ADGRD1: variants seen among roughly 807,000 people sequenced by gnomAD.
The protein encoded by ADGRD1 is adhesion G protein-coupled receptor D1, also known as G-protein coupled receptor 133.
A neutral mutation model predicts 113.4 loss-of-function variants in ADGRD1; 77 were observed. That is an observed-to-expected ratio of 0.68 (90% confidence interval 0.57 to 0.82). The LOEUF is 0.82. ADGRD1 is among the 40% of genes least tolerant of loss of function. ADGRD1 has a pLI of 0.00. For missense variants in ADGRD1, 1,036 were observed against 1,139.1 expected, an observed-to-expected ratio of 0.91 and a Z score of 1.30; for synonymous variants, 474 against 475.0, an observed-to-expected ratio of 1.00 and a Z score of 0.03.
At chr12:131,005,879 G>A (rs1172741929) in intron 11 of ADGRD1, 93 bp from the exon 12 acceptor site, 2 of 950,068 alleles carry the variant, frequency 2.1e-6, no homozygotes, top group Non-Finnish European at 3.4e-6. Context: ...GGAGTGAGGG[G>A]CAGCACCATG....
rs1368667291 is a variant in ADGRD1 at position 131,104,841 on chromosome 12, G to A, written c.1682G>A (p.Gly561Glu). The A allele has an allele frequency of 3.9e-6, 6 of 1,548,092 alleles. No individual in the cohort carries two copies. The highest frequency in any genetic ancestry group is 5.2e-6 in the Non-Finnish European group (6 of 1,146,870). Residue 561 changes from glycine (G) to glutamate (E), a missense_variant, in exon 16 of 25, where the codon GGA becomes GAA. Physicochemically the swap from Gly to Glu is moderately conservative, Grantham distance 98 (BLOSUM62 -2). Coordinates refer to ENST00000261654, the MANE Select transcript of ADGRD1 (RefSeq NM_198827.5). The stretch of plus-strand genomic sequence containing the variant: ...CTCTGCTCCCCGCAGCTTGCACGCG[G>A]ACACCAGGTGGCGCTGTCGTCTATC... ...MQVVPLELARGHQVALSSISY... is the reference protein window; with the variant it reads ...MQVVPLELAREHQVALSSISY...
intron 2 of ADGRD1, among the ~76,000 whole-genome samples, chr12:130,963,335 AAAAAAAAGAAAG>A (rs1870618582): frequency 6.6e-6 from 1 of 151,330 alleles, no homozygotes; most frequent in South Asian, 2.1e-4. Flanking sequence ...AAAAAAAAAA[AAAAAAAAGAAAG>A]AAAAATTCAA....
chr12:130,955,322 C>T (rs550941565), intron 2 of ADGRD1, among the ~76,000 whole-genome samples: 1 of 152,070 alleles, frequency 6.6e-6, no homozygotes, highest in African/African-American at 2.4e-5. Context: ...ATAGCAGGGT[C>T]TCGGGACCTC....
At chr12:131,058,266 T>C (rs768991541) in intron 13 of ADGRD1, among the ~76,000 whole-genome samples, 4 of 152,188 alleles carry the variant, frequency 2.6e-5, no homozygotes, top group Non-Finnish European at 4.4e-5. Flanking sequence ...TGTTGCTTGC[T>C]GGATTCTAGG....
rs1413174577 is a variant in ADGRD1, at chr12:131,113,441, T to C, written c.2041+4564T>C. The stretch of plus-strand genomic sequence containing the variant: ...CTAGGTTGGGCTGTGCATTGACACT[T>C]AGCATTCTCGCAGTTGTTGTAAAAC... On this transcript the variant is annotated intron_variant, in intron 18 of 24. Transcript: ENST00000261654. This position sits in a 1 kb window ranked among gnomAD's most constrained non-coding sequence, Gnocchi z 4.9. Among the ~76,000 whole-genome samples, 1 of 152,126 alleles carries C rather than the reference T, an allele frequency of 6.6e-6. No individual in the cohort carries two copies. Among genetic ancestry groups the C allele is most frequent in the Non-Finnish European group, 1.5e-5 (1 of 68,012 alleles).
At chr12:131,049,965 G>A (rs1401641945) in intron 13 of ADGRD1, among the ~76,000 whole-genome samples, 1 of 152,222 alleles carries the variant, frequency 6.6e-6, no homozygotes, top group African/African-American at 2.4e-5. Context: ...AGTTGTTTGT[G>A]GCTTGCAGAT....
At chr12:131,112,556 G>A (rs568092611) in intron 18 of ADGRD1, among the ~76,000 whole-genome samples, 4 of 152,242 alleles carry the variant, frequency 2.6e-5, no homozygotes, top group South Asian at 4.1e-4. Flanking sequence ...CTTCCTCTTC[G>A]TTCCCTGCTG....
chr12:131,049,895 C>T (rs968307619), intron 13 of ADGRD1, among the ~76,000 whole-genome samples: 5 of 152,078 alleles, frequency 3.3e-5, no homozygotes, highest in Non-Finnish European at 7.4e-5. Context: ...GAGAGGGCGT[C>T]GGGGGAGACA....
intron 5 of ADGRD1, among the ~76,000 whole-genome samples, chr12:130,983,657 A>C (rs1215750931): frequency 4.6e-5 from 7 of 152,192 alleles, no homozygotes; most frequent in Non-Finnish European, 7.4e-5. Context: ...TGTTATTCTT[A>C]CTTTCAAACT....
chr12:130,993,854 C>G (rs1225135960), intron 8 of ADGRD1: 2 of 155,052 alleles, frequency 1.3e-5, no homozygotes, highest in Admixed American at 1.3e-4. Flanking sequence ...ACAATTCTCT[C>G]GGCACTCGGC....
At chr12:131,120,262 G>A (rs541004871) in intron 19 of ADGRD1, among the ~76,000 whole-genome samples, 4 of 152,302 alleles carry the variant, frequency 2.6e-5, no homozygotes, top group Middle Eastern at 3.4e-3. Context: ...TGACAGTGCC[G>A]TAGGCTCTGG....
chr12:131,052,222 G>A (rs961368873), intron 13 of ADGRD1, among the ~76,000 whole-genome samples: 1 of 152,156 alleles, frequency 6.6e-6, no homozygotes, highest in African/African-American at 2.4e-5. Context: ...ACTGGGCTGT[G>A]CGAGCCACTC....
At chr12:130,996,305 C>T (rs1393480906) in intron 8 of ADGRD1, among the ~76,000 whole-genome samples, 1 of 145,576 alleles carries the variant, frequency 6.9e-6, no homozygotes, top group Non-Finnish European at 1.5e-5. Context: ...ACCTCCCAGA[C>T]GGGGTGGTGG....
intron 13 of ADGRD1, among the ~76,000 whole-genome samples, chr12:131,018,031 A>C (rs1024485169): frequency 6.6e-6 from 1 of 152,188 alleles, no homozygotes; most frequent in Non-Finnish European, 1.5e-5. Flanking sequence ...ACCGACACAC[A>C]CACCCACATC....
In ADGRD1 at chr12:131,003,166, G is replaced by C. The variant is rs1876604503; in HGVS notation, c.1027-19G>C. 1.3e-6 allele frequency: 2 copies of C among 1,586,604 alleles called. No individual in the cohort carries two copies. Among genetic ancestry groups the C allele is most frequent in the African/African-American group, 2.7e-5 (2 of 74,326 alleles). ...AGTGGGGTGGATTTTCATGGCTCCT[G>C]GTGCTTGTGTTGCTGCAGGACAGCG... On this transcript the variant is annotated intron_variant, in intron 9 of 24. Transcript: ENST00000261654. This position sits in a 1 kb window ranked among gnomAD's most constrained non-coding sequence, Gnocchi z 4.8.
At chr12:131,107,265 G>A (rs1260978172) in intron 17 of ADGRD1, among the ~76,000 whole-genome samples, 1 of 147,458 alleles carries the variant, frequency 6.8e-6, no homozygotes, top group Non-Finnish European at 1.5e-5. Context: ...GGCTCTGATG[G>A]GTCCTGCTTT....
At position 131,000,426 on chromosome 12, in the gene ADGRD1, G is replaced by T. The variant is rs1184612922; in HGVS notation, c.1010G>T (p.Trp337Leu). The T allele has an allele frequency of 4.3e-6, 7 of 1,612,634 alleles. No individual in the cohort carries two copies. The highest frequency in any genetic ancestry group is 5.9e-6 in the Non-Finnish European group (7 of 1,179,216). ...AVGEILLLPG[W>L]IALSEDSAVV... ...GGAGAGATCCTTCTACTGCCTGGTTGGATTGCTCTGTCAGAGGTAAGAGAA... is the reference window on the plus strand; with the variant it reads ...GGAGAGATCCTTCTACTGCCTGGTTTGATTGCTCTGTCAGAGGTAAGAGAA... Residue 337 changes from tryptophan to leucine, a missense_variant, in exon 9 of 25, where the codon TGG becomes TTG. By Grantham distance (61) the Trp-to-Leu change is moderately conservative. Transcript: ENST00000261654.
intron 8 of ADGRD1, chr12:130,994,312 G>T: frequency 2.3e-6 from 1 of 431,640 alleles, no homozygotes; most frequent in Non-Finnish European, 4.7e-6. Flanking sequence ...TGTTGAGATG[G>T]GCTACAAGGG....
rs1381051249 is a variant in ADGRD1, at chr12:130,966,157, A to G, written c.104-306A>G. Among the ~76,000 whole-genome samples the G allele has an allele frequency of 6.6e-6, 1 of 152,236 alleles. No homozygotes were observed. Among genetic ancestry groups the G allele is most frequent in the African/African-American group, 2.4e-5 (1 of 41,456 alleles). The stretch of plus-strand genomic sequence containing the variant: ...TGGAACATTCTTATCTTTTCCTGAC[A>G]TGAATGGGCAAGCTTCTAGTGTGTC... On this transcript the variant is annotated intron_variant, in intron 2 of 24. Coordinates refer to ENST00000261654, the MANE Select transcript of ADGRD1 (RefSeq NM_198827.5). This position sits in a 1 kb window ranked among gnomAD's most constrained non-coding sequence, Gnocchi z 4.6.
Sources: gnomAD v4.1 joint callset for allele counts (sites outside exome capture counted in the v4.1 genomes callset) on GRCh38, gnomAD v4.1.1 for gene constraint, Gnocchi (gnomAD v3.1) non-coding constraint, MANE v1.5 for transcripts, NCBI Gene and HGNC (gene_info 2026-07-23, HGNC 2026-07-21) for gene names.